Variants in SLC24A2 observed in about 807,000 individuals in gnomAD.
SLC24A2 encodes the protein solute carrier family 24 member 2.
SLC24A2 carries 36 observed loss-of-function variants against 62.0 expected under a neutral mutation model. That is an observed-to-expected ratio of 0.58 (90% confidence interval 0.44 to 0.77). SLC24A2 has a LOEUF of 0.77. SLC24A2 is among the 30% of genes least tolerant of loss of function. SLC24A2 has a pLI of 0.00. For missense variants in SLC24A2, 846 were observed against 817.9 expected, an observed-to-expected ratio of 1.03 and a Z score of -0.42; for synonymous variants, 358 against 294.0, an observed-to-expected ratio of 1.22 and a Z score of -2.23.
chr9:20,306,244 T>C, the SLC24A2 span, among the ~76,000 whole-genome samples: 73 of 152,326 alleles, frequency 4.8e-4, no homozygotes, highest in Middle Eastern at 3.4e-3. Context: ...CTTTGGCCTG[T>C]TGCAATGAGA....
At chr9:20,011,611 G>A in the SLC24A2 span, among the ~76,000 whole-genome samples, 1 of 152,152 alleles carries the variant, frequency 6.6e-6, no homozygotes, top group African/African-American at 2.4e-5. Flanking sequence ...AATTCCTGAA[G>A]GAGAGAGAAA....
intron 4 of SLC24A2, among the ~76,000 whole-genome samples, chr9:19,613,593 T>A (rs1817686093): frequency 6.6e-6 from 1 of 152,140 alleles, no homozygotes; most frequent in Admixed American, 6.5e-5. Flanking sequence ...TAAAAAACCC[T>A]CTCTGGCAAA....
chr9:19,652,936 CCTGTTTCAACCTTCTCTTCCAT>C (rs1370427139), intron 2 of SLC24A2, among the ~76,000 whole-genome samples: 2 of 15,742 alleles, frequency 1.3e-4, no homozygotes, highest in African/African-American at 5.3e-4. Context: ...TCTCTTCCAT[CCTGTTTCAACCTTCTCTTCCAT>C]CCTGTTTCAA....
chr9:19,988,171 C>A, the SLC24A2 span, among the ~76,000 whole-genome samples: 1 of 152,132 alleles, frequency 6.6e-6, no homozygotes, highest in African/African-American at 2.4e-5. Context: ...TCCTACCACC[C>A]CTTTGGCTCC....
Position 19,525,386 on chromosome 9 carries a change from CTTTACT to C in SLC24A2, c.1569+2657_1569+2662del, listed in dbSNP as rs1200014129. On this transcript the variant is annotated intron_variant, in intron 9 of 10. Coordinates refer to ENST00000341998, the MANE Select transcript of SLC24A2 (RefSeq NM_020344.4). Reference sequence around the variant, plus strand: ...TCTGCAAGGTTTTTTTTTCCTATTTCTTTACTTTTTTTTTTTTTTTTTTTTTTTTTT... The same window carrying C: ...TCTGCAAGGTTTTTTTTTCCTATTTCTTTTTTTTTTTTTTTTTTTTTTTTT... 2.4e-3 allele frequency among the ~76,000 whole-genome samples: 111 copies of C among 47,194 alleles called. 6 individuals are homozygous for C. Among genetic ancestry groups the C allele is most frequent in the Non-Finnish European group, 3.2e-3 (76 of 23,702 alleles). 31.0% of individuals were successfully genotyped at this position (47,194 alleles called of 152,430 possible). A position where few individuals can be genotyped will look rare whatever the true frequency, so the allele number is the denominator to read the frequency against.
the SLC24A2 span, among the ~76,000 whole-genome samples, chr9:19,943,242 G>T: frequency 6.6e-6 from 1 of 151,422 alleles, no homozygotes; most frequent in African/African-American, 2.4e-5. Context: ...CTCCATTAAT[G>T]GGACACTCAT....
At chr9:20,270,062 C>A in the SLC24A2 span, among the ~76,000 whole-genome samples, 1 of 152,158 alleles carries the variant, frequency 6.6e-6, no homozygotes, top group African/African-American at 2.4e-5. Context: ...GGAGGGGCAT[C>A]TTGGCTTTAT....
At chr9:19,843,058 C>T in the SLC24A2 span, among the ~76,000 whole-genome samples, 8 of 152,108 alleles carry the variant, frequency 5.3e-5, no homozygotes, top group Non-Finnish European at 1.0e-4. Context: ...TTCTCAAGTG[C>T]TGGTGCCAGT....
chr9:19,650,958 G>C (rs1818784723), intron 2 of SLC24A2, among the ~76,000 whole-genome samples: 1 of 152,096 alleles, frequency 6.6e-6, no homozygotes, highest in African/African-American at 2.4e-5. Flanking sequence ...CATTTGAAGA[G>C]ATCTCATAGT....
At chr9:19,945,363 G>A in the SLC24A2 span, among the ~76,000 whole-genome samples, 1 of 151,982 alleles carries the variant, frequency 6.6e-6, no homozygotes, top group African/African-American at 2.4e-5. Flanking sequence ...AGCAGGGAAG[G>A]GCACAGCACG....
At chr9:19,897,099 G>A in the SLC24A2 span, among the ~76,000 whole-genome samples, 2 of 152,094 alleles carry the variant, frequency 1.3e-5, no homozygotes, top group African/African-American at 2.4e-5. Flanking sequence ...AAGAAATTGG[G>A]GTCCAAAGAG....
the SLC24A2 span, among the ~76,000 whole-genome samples, chr9:19,886,665 C>T: frequency 6.6e-6 from 1 of 152,198 alleles, no homozygotes; most frequent in East Asian, 1.9e-4. Flanking sequence ...AGATTTAGAA[C>T]CAGAAATACC....
chr9:20,174,488 A>C, the SLC24A2 span, among the ~76,000 whole-genome samples: 3 of 149,124 alleles, frequency 2.0e-5, no homozygotes, highest in South Asian at 6.4e-4. Flanking sequence ...AATCTACAGC[A>C]AACTGGAACA....
the SLC24A2 span, among the ~76,000 whole-genome samples, chr9:19,843,197 T>C: frequency 6.6e-6 from 1 of 152,288 alleles, no homozygotes; most frequent in East Asian, 1.9e-4. Context: ...GTGCCCTTCA[T>C]ACTTTAAAAA....
the SLC24A2 span, among the ~76,000 whole-genome samples, chr9:19,850,289 C>T: frequency 1.3e-5 from 2 of 151,976 alleles, no homozygotes; most frequent in African/African-American, 4.8e-5. Context: ...ATGTAAAGTT[C>T]AAAGAATTTT....
chr9:19,917,301 T>C, the SLC24A2 span, among the ~76,000 whole-genome samples: 4 of 151,204 alleles, frequency 2.6e-5, no homozygotes, highest in African/African-American at 9.7e-5. Flanking sequence ...TTCTTTGTTA[T>C]GGTCTTAAAG....
the SLC24A2 span, among the ~76,000 whole-genome samples, chr9:19,945,046 T>A: frequency 6.6e-6 from 1 of 152,268 alleles, no homozygotes; most frequent in Admixed American, 6.5e-5. Flanking sequence ...ATCATACACA[T>A]CTCATCTGCT....
chr9:20,096,271 G>T, the SLC24A2 span, among the ~76,000 whole-genome samples: 1 of 152,140 alleles, frequency 6.6e-6, no homozygotes, highest in Middle Eastern at 3.2e-3. Context: ...ATCACACAAA[G>T]TGAGTCTCTT....
the SLC24A2 span, among the ~76,000 whole-genome samples, chr9:20,028,917 C>T: frequency 6.6e-6 from 1 of 152,226 alleles, no homozygotes; most frequent in African/African-American, 2.4e-5. Flanking sequence ...CGTGTTTAGT[C>T]TCTAAGGTCA....
Sources: gnomAD v4.1 joint callset for allele counts (sites outside exome capture counted in the v4.1 genomes callset) on GRCh38, gnomAD v4.1.1 for gene constraint, MANE v1.5 for transcripts, NCBI Gene and HGNC (gene_info 2026-07-23, HGNC 2026-07-21) for gene names.